The following CYP4A22 variants were observed in gnomAD, a reference collection of about 807,000 sequenced individuals.
CYP4A22 encodes the protein cytochrome P450 family 4 subfamily A member 22.
Under a neutral mutation model 56.2 loss-of-function variants are expected in CYP4A22, and 46 were observed. The observed-to-expected ratio is 0.82, with a 90% CI of 0.65 to 1.05. The LOEUF (loss-of-function observed/expected upper bound fraction) is 1.05, where lower values mean the gene tolerates loss of function less well. Ranked by LOEUF, CYP4A22 falls within the 50% of genes least tolerant of loss-of-function variation. The pLI is 0.00. For missense variants in CYP4A22, 541 were observed against 645.9 expected (o/e 0.84, Z 1.76); for synonymous variants, 193 against 251.1 (o/e 0.77, Z 2.19).
chr1:47,146,398 C>T (rs1249665640), intron 11 of CYP4A22: 1 of 1,391,474 alleles, frequency 7.2e-7, no homozygotes, highest in African/African-American at 1.4e-5. Flanking sequence ...AATTCACTGT[C>T]AGTGCATGTT....
At chr1:47,146,431 A>G in intron 11 of CYP4A22, 3 of 1,312,674 alleles carry the variant, frequency 2.3e-6, no homozygotes, top group Admixed American at 3.2e-5. Flanking sequence ...ATATTCATGT[A>G]TTTTCCTCAC....
At chr1:47,141,977 C>T (rs1272407456) in intron 3 of CYP4A22, 131 bp from the exon 4 acceptor site, 32 of 1,349,046 alleles carry the variant, frequency 2.4e-5, no homozygotes, top group Non-Finnish European at 3.0e-5. Context: ...TGCATTTGCC[C>T]ATGATGTGGC....
rs776797039 is a variant in CYP4A22 at position 47,140,773 on chromosome 1, T to C, written c.196-7T>C. The C allele has an allele frequency of 6.2e-7, 1 of 1,614,100 alleles. No individual in the cohort carries two copies. Among genetic ancestry groups the C allele is most frequent in the Admixed American group, 1.7e-5 (1 of 60,020 alleles). ...GAAAGTGTTCATCTGTCTACCCTCG[T>C]TGACAGTTCCAACACGACCAGGAGC... On this transcript the variant is annotated splice_polypyrimidine_tract_variant and splice_region_variant and intron_variant, in intron 1 of 11. Coordinates refer to ENST00000371891, the MANE Select transcript of CYP4A22 (RefSeq NM_001010969.4).
At chr1:47,138,639 G>T (rs1168400565) in intron 1 of CYP4A22, among the ~76,000 whole-genome samples, 1 of 152,296 alleles carries the variant, frequency 6.6e-6, no homozygotes, top group African/African-American at 2.4e-5. Flanking sequence ...CAATTTTTTT[G>T]AGCTCATCAG....
At chr1:47,143,172 G>GA (rs1053864784) in intron 4 of CYP4A22, 97 bp from the exon 5 acceptor site, 24 of 1,535,388 alleles carry the variant, frequency 1.6e-5, no homozygotes, top group African/African-American at 5.5e-5. Context: ...CAAGCTACAG[G>GA]AAAAAACAAG....
chr1:47,137,914 T>C (rs1644962385), intron 1 of CYP4A22, among the ~76,000 whole-genome samples: 1 of 152,074 alleles, frequency 6.6e-6, no homozygotes, highest in Non-Finnish European at 1.5e-5. Context: ...TCTGCAGATA[T>C]CAAGTGTGTC....
intron 11 of CYP4A22, 161 bp downstream of exon 11, chr1:47,146,314 G>T (rs917443155): frequency 1.3e-6 from 2 of 1,525,314 alleles, no homozygotes; most frequent in African/African-American, 2.8e-5. Flanking sequence ...GCGTCTCTGT[G>T]TACAAAAGGA....
rs376758503 is a variant in CYP4A22 at position 47,143,889 on chromosome 1, G to A, written c.763G>A (p.Ala255Thr). The change falls in exon 6 of 12, where the codon GCC becomes ACC. Residue 255 changes from alanine (A) to threonine (T), a missense_variant. Coordinates refer to ENST00000371891, the MANE Select transcript of CYP4A22 (RefSeq NM_001010969.4). ...CTCTGCTGGCCGCTGGACACACCGC[G>A]CCTGCCAGCTGGCCCATCAGCACAC... Reference protein sequence around the residue: ...LTSAGRWTHRACQLAHQHTDQ... With the variant: ...LTSAGRWTHRTCQLAHQHTDQ... 1.6e-5 allele frequency: 25 copies of A among 1,612,736 alleles called. No homozygotes were observed. The Admixed American group carries it at 3.2e-4, about 21-fold the overall frequency.
Position 47,146,069 on chromosome 1 carries a change from C to A in CYP4A22, c.1288-8C>A, listed in dbSNP as rs1645072546. On this transcript the variant is annotated splice_region_variant and splice_polypyrimidine_tract_variant and intron_variant, in intron 10 of 11. Coordinates refer to ENST00000371891, the MANE Select transcript of CYP4A22 (RefSeq NM_001010969.4). ...TTAACTATCCTGGCTCTGGTGCTCT[C>A]TCTGCAGGTGTTTGACCCTTCCCGT... The A allele has an allele frequency of 6.2e-7, 1 of 1,614,080 alleles. No individual in the cohort carries two copies. Among genetic ancestry groups the A allele is most frequent in the South Asian group, 1.1e-5 (1 of 91,088 alleles).
Position 47,144,851 on chromosome 1 carries a change from A to T in CYP4A22, c.1103A>T (p.Gln368Leu). 1.2e-6 allele frequency: 2 copies of T among 1,613,958 alleles called. No individual in the cohort carries two copies. The highest frequency in any genetic ancestry group is 1.7e-6 in the Non-Finnish European group (2 of 1,179,938). The change falls in exon 9 of 12, where the codon CAG becomes CTG. Residue 368 changes from glutamine (Q) to leucine (L), a missense_variant. Gln to Leu is a moderately radical substitution (Grantham distance 113, BLOSUM62 -2). Around this residue, in one of 3 missense-constraint regions of CYP4A22, gnomAD observed 204 missense variants for 258.9 expected, o/e 0.79. Coordinates refer to ENST00000371891, the MANE Select transcript of CYP4A22 (RefSeq NM_001010969.4). Reference protein sequence around the residue: ...GASITWNHLDQMPYTTMCIKE... With the variant: ...GASITWNHLDLMPYTTMCIKE... ...AATTGTTTCAGGAACCACCTGGACC[A>T]GATGCCCTACACCACCATGTGCATT... is the stretch of plus-strand genomic sequence containing the variant.
chr1:47,145,927 A>T lies in CYP4A22; in HGVS notation c.1284A>T (p.Leu428=). 6.2e-7 allele frequency: 1 copy of T among 1,614,090 alleles called. No individual in the cohort carries two copies. Among genetic ancestry groups the T allele is most frequent in the Non-Finnish European group, 8.5e-7 (1 of 1,179,982 alleles). ...ACAACCCAAAAGTGTGGCCCAACCT[A>T]GAGGTATGTGGTCCTTGAGAGGAGG... ...LHHNPKVWPN[L]EVFDPSRFAP... The change falls in exon 10 of 12, where the codon CTA becomes CTT. Residue 428 remains leucine (L), a synonymous_variant. Transcript: ENST00000371891.
At chr1:47,145,747 C>T in intron 9 of CYP4A22, 119 bp from the exon 10 acceptor site, 1 of 1,433,448 alleles carries the variant, frequency 7.0e-7, no homozygotes. Context: ...TCATCCTAGT[C>T]AAAGTGACAA....
chr1:47,146,193 G>A, intron 11 of CYP4A22, 40 bp downstream of exon 11: 2 of 1,614,050 alleles, frequency 1.2e-6, no homozygotes, highest in Non-Finnish European at 1.7e-6. Context: ...GAGAAATGAG[G>A]GAAGTCTCTG....
Position 47,144,376 on chromosome 1 carries a change from G to C in CYP4A22, c.810G>C (p.Arg270Ser). 1 of 1,613,980 alleles carries C rather than the reference G, an allele frequency of 6.2e-7. No individual in the cohort carries two copies. Among genetic ancestry groups the C allele is most frequent in the Non-Finnish European group, 8.5e-7 (1 of 1,179,846 alleles). The change falls in exon 7 of 12, where the codon AGG becomes AGC. Residue 270 changes from arginine to serine, a missense_variant. By Grantham distance (110) the Arg-to-Ser change is moderately radical (BLOSUM62 -1). This residue lies in a region of CYP4A22 where 335 missense variants were observed against 361.2 expected (regional missense o/e 0.93). Transcript: ENST00000371891. ...GTACAGACCAAGTGATCCAACTGAG[G>C]AAGGCTCAACTACAGAAGGAGGGGG... ...HQHTDQVIQL[R>S]KAQLQKEGEL...
In CYP4A22 at chr1:47,148,813, A is replaced by G. The variant is rs72684327; in HGVS notation, c.*16A>G. On this transcript the variant is annotated 3_prime_UTR_variant, in exon 12 of 12. Transcript: ENST00000371891. ...CCAGCTTTGAGGGCCTCCACCTGCCATCCTGTCTTCCTGACCCCCACTCCT... is the reference window on the plus strand; with the variant it reads ...CCAGCTTTGAGGGCCTCCACCTGCCGTCCTGTCTTCCTGACCCCCACTCCT... The G allele has an allele frequency of 0.15, 240,502 of 1,578,272 alleles. 19,816 individuals carry two copies. Among genetic ancestry groups the G allele is most frequent in the East Asian group, 0.32 (13,938 of 43,584 alleles).
Position 47,143,948 on chromosome 1 carries a change from TC to T in CYP4A22, c.790+35del, listed in dbSNP as rs777023100. The T allele has an allele frequency of 2.1e-5, 33 of 1,585,662 alleles. 1 individual carries two copies. Among genetic ancestry groups the T allele is most frequent in the Non-Finnish European group, 6.9e-6 (8 of 1,165,200 alleles). Reference sequence around the variant, plus strand: ...TCTCTTCCTCTTGTCTCCCAGCCTTTCCCAGGCACAGTGAAAGTACCTGCCC... The same window carrying T: ...TCTCTTCCTCTTGTCTCCCAGCCTTTCCAGGCACAGTGAAAGTACCTGCCC... On this transcript the variant is annotated intron_variant, in intron 6 of 11. Transcript: ENST00000371891.
rs149611375 is a variant in CYP4A22, at chr1:47,142,986, G to A, written c.511-283G>A. Among the ~76,000 whole-genome samples the A allele has an allele frequency of 1.7e-3, 263 of 152,318 alleles. 1 individual carries two copies. Among genetic ancestry groups the A allele is most frequent in the Middle Eastern group, 3.4e-3 (1 of 294 alleles). ...AACAACAAAATTTTCACAAGCATAT[G>A]TCCTAACTGAATCTCAAAATTCAAT... is the stretch of plus-strand genomic sequence containing the variant. On this transcript the variant is annotated intron_variant, in intron 4 of 11. Coordinates refer to ENST00000371891, the MANE Select transcript of CYP4A22 (RefSeq NM_001010969.4).
rs1159975936 is a variant in CYP4A22 at position 47,149,451 on chromosome 1, C to T, written c.*654C>T. On this transcript the variant is annotated 3_prime_UTR_variant, in exon 12 of 12. Transcript: ENST00000371891. ...ATAAATAATCTGCACTTCCAGAGCT[C>T]GGGGCCTTCACAGCCTCCATACTTA... is the stretch of plus-strand genomic sequence containing the variant. 6.6e-6 allele frequency: 1 copy of T among 152,374 alleles called. No homozygotes were observed. The highest frequency in any genetic ancestry group is 1.5e-5 in the Non-Finnish European group (1 of 68,152). The allele number at this position is 152,374 out of a possible 1,614,324, so 9.4% of individuals were successfully genotyped here.
chr1:47,143,995 G>T (rs1324458301), intron 6 of CYP4A22, 79 bp downstream of exon 6: 3 of 1,529,418 alleles, frequency 2.0e-6, no homozygotes, highest in East Asian at 2.3e-5. Flanking sequence ...GGCAGAGAAG[G>T]TCCCTAGTAA....
Sources: gnomAD v4.1 joint callset for allele counts (sites outside exome capture counted in the v4.1 genomes callset) on GRCh38, gnomAD v4.1.1 for gene constraint, gnomAD v4.1.1 regional missense constraint, MANE v1.5 for transcripts, NCBI Gene and HGNC (gene_info 2026-07-23, HGNC 2026-07-21) for gene names.